LRRC3B: variants seen among roughly 807,000 people sequenced by gnomAD.
LRRC3B encodes leucine rich repeat containing 3B.
A neutral mutation model predicts 12.8 loss-of-function variants in LRRC3B; 2 were observed. The ratio of observed to expected loss-of-function variants is 0.16; its 90% CI spans 0.06 to 0.49. The LOEUF (loss-of-function observed/expected upper bound fraction) is 0.49. Ranked by LOEUF, LRRC3B falls within the 20% of genes least tolerant of loss-of-function variation. The pLI is 0.96. For synonymous variants in LRRC3B, 132 were observed against 122.0 expected (o/e 1.08, Z -0.54); for missense variants, 189 against 319.4 (o/e 0.59, Z 3.11).
chr3:26,697,860 T>C (rs1700357795), intron 1 of LRRC3B, among the ~76,000 whole-genome samples: 1 of 152,186 alleles, frequency 6.6e-6, no homozygotes, highest in African/African-American at 2.4e-5. Context: ...ACATAGAAGG[T>C]GCCCACAAAA....
At chr3:26,671,182 A>AT in intron 1 of LRRC3B, among the ~76,000 whole-genome samples, 1 of 139,028 alleles carries the variant, frequency 7.2e-6, no homozygotes, top group South Asian at 2.4e-4. Context: ...CGCCCGGCTA[A>AT]TTTTTTGTAT....
In LRRC3B at chr3:26,676,263, G is replaced by C. The variant is rs1288697792; in HGVS notation, c.-160-33250G>C. ...CCCACCCCACAACAGGCCCTGGTGT[G>C]TGATGTTCCCCTTCCTGTGTCCATG... On this transcript the variant is annotated intron_variant, in intron 1 of 1. Coordinates refer to ENST00000396641, the Ensembl canonical transcript of LRRC3B. 8.7e-5 allele frequency among the ~76,000 whole-genome samples: 11 copies of C among 126,676 alleles called. No individual in the cohort carries two copies. In the Admixed American group the frequency reaches 1.2e-3, roughly 13 times the overall value. 83.1% of individuals were successfully genotyped at this position (126,676 alleles called of 152,430 possible). A position where few individuals can be genotyped will look rare whatever the true frequency, so the allele number is the denominator to read the frequency against.
intron 1 of LRRC3B, among the ~76,000 whole-genome samples, chr3:26,696,125 A>C (rs1211036397): frequency 6.6e-6 from 1 of 152,226 alleles, no homozygotes; most frequent in Non-Finnish European, 1.5e-5. Context: ...AATAGATCTA[A>C]CATATAACCC....
At chr3:26,654,415 G>T (rs902900653) in intron 1 of LRRC3B, among the ~76,000 whole-genome samples, 5 of 152,122 alleles carry the variant, frequency 3.3e-5, no homozygotes, top group Admixed American at 6.6e-5. Flanking sequence ...AATTTCTAAG[G>T]CTGGAACTAA....
chr3:26,629,510 C>A (rs1319177008), intron 1 of LRRC3B, among the ~76,000 whole-genome samples: 1 of 152,156 alleles, frequency 6.6e-6, no homozygotes, highest in African/African-American at 2.4e-5. Flanking sequence ...AGAGGGCTCC[C>A]CCTGTTAGCG....
chr3:26,643,976 C>T (rs972017411), intron 1 of LRRC3B, among the ~76,000 whole-genome samples: 8 of 152,216 alleles, frequency 5.3e-5, no homozygotes, highest in South Asian at 2.1e-4. Context: ...AATTTGACCA[C>T]GCTCTGCTCA....
intron 1 of LRRC3B, among the ~76,000 whole-genome samples, chr3:26,698,525 C>A (rs1243549657): frequency 2.0e-5 from 3 of 151,908 alleles, no homozygotes; most frequent in African/African-American, 7.3e-5. Flanking sequence ...GACTTTTTTG[C>A]ATCACCAAAA....
chr3:26,649,186 A>C (rs947007230), intron 1 of LRRC3B, among the ~76,000 whole-genome samples: 1 of 152,224 alleles, frequency 6.6e-6, no homozygotes, highest in African/African-American at 2.4e-5. Flanking sequence ...TTGTCATCTG[A>C]CTTAAGGCCA....
intron 1 of LRRC3B, among the ~76,000 whole-genome samples, chr3:26,671,519 G>GCC (rs1699748116): frequency 2.0e-5 from 3 of 150,012 alleles, no homozygotes; most frequent in Admixed American, 2.0e-4. Context: ...AGCCTCCCAA[G>GCC]TAGCTGGGAC....
At chr3:26,699,076 A>G (rs2125456958) in intron 1 of LRRC3B, among the ~76,000 whole-genome samples, 1 of 151,680 alleles carries the variant, frequency 6.6e-6, no homozygotes, top group South Asian at 2.1e-4. Context: ...GTTTTTCTTC[A>G]GTGAAATTTC....
At chr3:26,691,103 G>GTATATATATATATATATA (rs1298635555) in intron 1 of LRRC3B, among the ~76,000 whole-genome samples, 5 of 44,966 alleles carry the variant, frequency 1.1e-4, no homozygotes, top group Admixed American at 6.6e-4. Flanking sequence ...GTGTGTGTGT[G>GTATATATATATATATATA]TGTATATATA....
At chr3:26,672,718 T>TAAG (rs1216625509) in intron 1 of LRRC3B, among the ~76,000 whole-genome samples, 1 of 152,254 alleles carries the variant, frequency 6.6e-6, no homozygotes, top group Non-Finnish European at 1.5e-5. Context: ...TGTAGCTGCT[T>TAAG]AAGATTTTTG....
chr3:26,684,942 A>AT (rs1700043719), intron 1 of LRRC3B, among the ~76,000 whole-genome samples: 1 of 48,088 alleles, frequency 2.1e-5, no homozygotes, highest in African/African-American at 4.5e-4. Flanking sequence ...AGGTTTCTTT[A>AT]TTTTATTTTA....
chr3:26,697,407 C>T (rs1700344527), intron 1 of LRRC3B, among the ~76,000 whole-genome samples: 1 of 151,982 alleles, frequency 6.6e-6, no homozygotes, highest in Non-Finnish European at 1.5e-5. Context: ...TGTGTTAGAT[C>T]TCCCTCTGTA....
At chr3:26,659,111 T>C (rs937434105) in intron 1 of LRRC3B, among the ~76,000 whole-genome samples, 1 of 152,234 alleles carries the variant, frequency 6.6e-6, no homozygotes, top group Non-Finnish European at 1.5e-5. Flanking sequence ...TATCGATTAA[T>C]AACAGCCATA....
intron 1 of LRRC3B, among the ~76,000 whole-genome samples, chr3:26,704,207 A>G (rs1019398706): frequency 3.3e-4 from 50 of 152,146 alleles, no homozygotes; most frequent in African/African-American, 1.2e-3. Context: ...TGATTATATT[A>G]TAAGTATTTG....
intron 1 of LRRC3B, among the ~76,000 whole-genome samples, chr3:26,680,938 C>T (rs1699958060): frequency 6.6e-6 from 1 of 152,042 alleles, no homozygotes; most frequent in Non-Finnish European, 1.5e-5. Context: ...GTTTTGTAAG[C>T]CAAGGACCAA....
chr3:26,644,714 G>C (rs1575122188), intron 1 of LRRC3B, among the ~76,000 whole-genome samples: 1 of 152,294 alleles, frequency 6.6e-6, no homozygotes, highest in East Asian at 1.9e-4. Context: ...AAAACCCACT[G>C]CTTATTAGAA....
chr3:26,696,864 G>T (rs1431488928), intron 1 of LRRC3B, among the ~76,000 whole-genome samples: 7 of 152,120 alleles, frequency 4.6e-5, no homozygotes. Flanking sequence ...TAAAGACATT[G>T]TCCATTATGT....
Sources: allele counts gnomAD v4.1 joint callset (sites outside exome capture counted in the v4.1 genomes callset), GRCh38; gene constraint gnomAD v4.1.1; transcripts MANE v1.5; gene names NCBI Gene and HGNC (gene_info 2026-07-23, HGNC 2026-07-21).